The following KIF20B variants were observed in gnomAD, a reference collection of about 807,000 sequenced individuals.
KIF20B encodes kinesin-like protein KIF20B.
In KIF20B, 188 loss-of-function variants were observed where a neutral mutation model predicts 232.5. The ratio of observed to expected loss-of-function variants is 0.81; its 90% CI spans 0.72 to 0.91. The LOEUF is 0.91. KIF20B is among the 40% of genes least tolerant of loss of function. The probability of loss-of-function intolerance (pLI) is 0.00; values close to 1 mark genes in which losing one functional copy is unlikely to be tolerated. For missense variants in KIF20B, 2,154 were observed against 2,055.9 expected (o/e 1.05, Z -0.92); for synonymous variants, 712 against 683.0 (o/e 1.04, Z -0.66).
Position 89,743,932 on chromosome 10 carries a change from A to T in KIF20B, c.4035+5A>T. On this transcript the variant is annotated splice_donor_5th_base_variant and intron_variant, in intron 22 of 32. Coordinates refer to ENST00000371728, the MANE Select transcript of KIF20B (RefSeq NM_001284259.2). ...CGAACCATTCAGCAACTCAAGGTAA[A>T]CAGTTTTGTTTTTAAAGATGATTTA... 6.3e-7 allele frequency: 1 copy of T among 1,577,702 alleles called. No homozygotes were observed. Among genetic ancestry groups the T allele is most frequent in the Non-Finnish European group, 8.6e-7 (1 of 1,167,518 alleles).
intron 8 of KIF20B, among the ~76,000 whole-genome samples, 170 bp from the exon 9 acceptor site, chr10:89,716,266 A>T (rs563309388): frequency 6.6e-6 from 1 of 152,328 alleles, no homozygotes; most frequent in African/African-American, 2.4e-5. Context: ...GAACATTGTT[A>T]CAATCTTCTC....
intron 25 of KIF20B, 117 bp downstream of exon 25, chr10:89,752,808 C>T: frequency 1.5e-6 from 1 of 652,268 alleles, no homozygotes; most frequent in African/African-American, 1.9e-5. Flanking sequence ...TGAAATAATA[C>T]CTGGCAAATG....
rs764984414 is a variant in KIF20B, at chr10:89,705,401, A to G, written c.107A>G (p.Asp36Gly). ...ATAAATTTCGATGGCATTAAGCTTGATCTGTCTCATGAATTTTCCTTAGTT... is the reference window on the plus strand; with the variant it reads ...ATAAATTTCGATGGCATTAAGCTTGGTCTGTCTCATGAATTTTCCTTAGTT... ...SEINFDGIKL[D>G]LSHEFSLVAP... Residue 36 changes from aspartate to glycine, a missense_variant, in exon 2 of 33, where the codon GAT (aspartate) becomes GGT (glycine). By Grantham distance (94) the Asp-to-Gly change is moderately conservative. Transcript: ENST00000371728. 6.2e-7 allele frequency: 1 copy of G among 1,614,046 alleles called. No individual in the cohort carries two copies. The highest frequency in any genetic ancestry group is 1.7e-5 in the Admixed American group (1 of 60,010).
chr10:89,723,830 A>G (rs1843118102), intron 13 of KIF20B, 134 bp from the exon 14 acceptor site: 1 of 765,004 alleles, frequency 1.3e-6, no homozygotes, highest in Non-Finnish European at 1.8e-6. Context: ...TTCAGTGAGA[A>G]CATTATCACT....
intron 26 of KIF20B, among the ~76,000 whole-genome samples, chr10:89,757,510 G>A (rs187088802): frequency 6.6e-6 from 1 of 151,930 alleles, no homozygotes; most frequent in African/African-American, 2.4e-5. Context: ...TACAATTATT[G>A]TAGATAATTT....
At chr10:89,723,375 T>C (rs1049578954) in intron 13 of KIF20B, among the ~76,000 whole-genome samples, 14 of 151,622 alleles carry the variant, frequency 9.2e-5, no homozygotes, top group Admixed American at 6.6e-4. Context: ...ACATTTTTCA[T>C]GATTATGTAT....
At chr10:89,766,549 C>T (rs1163799645) in intron 29 of KIF20B, 1 of 152,066 alleles carries the variant, frequency 6.6e-6, no homozygotes, top group Non-Finnish European at 1.5e-5. Context: ...CCTCAGGAGC[C>T]GATGCAGTCA....
At chr10:89,763,718 G>A (rs901054482) in intron 29 of KIF20B, among the ~76,000 whole-genome samples, 2 of 152,042 alleles carry the variant, frequency 1.3e-5, no homozygotes, top group Non-Finnish European at 2.9e-5. Flanking sequence ...TGGCAAGTCA[G>A]ATGAGGTTTC....
chr10:89,702,178 C>T (rs551073651), intron 1 of KIF20B, among the ~76,000 whole-genome samples: 7 of 152,178 alleles, frequency 4.6e-5, no homozygotes, highest in Non-Finnish European at 8.8e-5. Context: ...GCAGTTTGCT[C>T]GGCTGGTAGG....
intron 20 of KIF20B, 63 bp from the exon 21 acceptor site, chr10:89,738,895 C>A: frequency 6.7e-7 from 1 of 1,488,832 alleles, no homozygotes; most frequent in Non-Finnish European, 9.0e-7. Flanking sequence ...GTTACCATTT[C>A]ACATGTATGG....
chr10:89,708,375 C>T (rs1014009756), intron 2 of KIF20B, among the ~76,000 whole-genome samples: 1 of 152,104 alleles, frequency 6.6e-6, no homozygotes, highest in African/African-American at 2.4e-5. Flanking sequence ...CCATGCCTGG[C>T]TAATTTTGTA....
intron 2 of KIF20B, 61 bp downstream of exon 2, chr10:89,705,502 A>C (rs1360117524): frequency 6.7e-7 from 1 of 1,481,846 alleles, no homozygotes; most frequent in African/African-American, 1.4e-5. Context: ...AGGGTTGGCA[A>C]ACAATGGCCT....
chr10:89,725,823 G>A (rs933039642), intron 15 of KIF20B, among the ~76,000 whole-genome samples: 17 of 151,984 alleles, frequency 1.1e-4, no homozygotes, highest in Admixed American at 1.1e-3. Flanking sequence ...TGGGGGAGTT[G>A]GTTTTTTTTT....
In KIF20B at chr10:89,737,664, T is replaced by C; in HGVS notation, c.2823T>C (p.Asp941=). ...KEVQQIQSNY[D]IAIAELHVQK... ...TCCAACAAATTCAGTCAAATTATGA[T>C]ATTGCAATTGCTGAATTACATGTGC... The change falls in exon 20 of 33, where the codon GAT becomes GAC. Residue 941 remains aspartate (D), a synonymous_variant. Transcript: ENST00000371728. 6.2e-7 allele frequency: 1 copy of C among 1,612,804 alleles called. No homozygotes were observed.
intron 32 of KIF20B, among the ~76,000 whole-genome samples, chr10:89,773,248 A>G (rs542440744): frequency 6.6e-6 from 1 of 152,068 alleles, no homozygotes; most frequent in African/African-American, 2.4e-5. Flanking sequence ...TTAGGAAGAG[A>G]CTGTAGTTAT....
chr10:89,738,809 A>G lies in KIF20B; in HGVS notation c.3777-149A>G, dbSNP rs1042120448. ...GAAAAGATCAGCTTATAAAAATCATATGAAATATTTTCTGAAGAACTCATT... is the reference window on the plus strand; with the variant it reads ...GAAAAGATCAGCTTATAAAAATCATGTGAAATATTTTCTGAAGAACTCATT... On this transcript the variant is annotated intron_variant, in intron 20 of 32. Transcript: ENST00000371728. 5 of 1,147,436 alleles carry G rather than the reference A, an allele frequency of 4.4e-6. No individual in the cohort carries two copies. The African/African-American group carries it at 6.3e-5, about 14-fold the overall frequency. The allele number at this position is 1,147,436 out of a possible 1,614,324, so 71.1% of individuals were successfully genotyped here. A position where few individuals can be genotyped will look rare whatever the true frequency, so the allele number is the denominator to read the frequency against.
chr10:89,723,060 C>G (rs1035899872), intron 13 of KIF20B, among the ~76,000 whole-genome samples: 3 of 143,966 alleles, frequency 2.1e-5, no homozygotes, highest in Non-Finnish European at 4.7e-5. Flanking sequence ...ACTACCATCA[C>G]AAAACAACAA....
At chr10:89,728,752 C>T (rs939818580) in intron 17 of KIF20B, among the ~76,000 whole-genome samples, 10 of 151,732 alleles carry the variant, frequency 6.6e-5, no homozygotes, top group Admixed American at 2.6e-4. Context: ...AATCTCCCCA[C>T]CAGGTAATTT....
At chr10:89,724,267 C>G (rs1360088586) in intron 14 of KIF20B, among the ~76,000 whole-genome samples, 164 bp downstream of exon 14, 1 of 152,054 alleles carries the variant, frequency 6.6e-6, no homozygotes, top group Non-Finnish European at 1.5e-5. Flanking sequence ...TGGCTCACGC[C>G]TGTAATCCCA....
Sources: gnomAD v4.1 joint callset for allele counts (sites outside exome capture counted in the v4.1 genomes callset) on GRCh38, gnomAD v4.1.1 for gene constraint, MANE v1.5 for transcripts, NCBI Gene and HGNC (gene_info 2026-07-23, HGNC 2026-07-21) for gene names.